The following AFF1 variants were observed in gnomAD, a reference collection of about 807,000 sequenced individuals.
The protein encoded by AFF1 is AF4/FMR2 family member 1.
In AFF1, 48 loss-of-function variants were observed where a neutral mutation model predicts 121.7. The ratio of observed to expected loss-of-function variants is 0.39; its 90% CI spans 0.31 to 0.50. The LOEUF is 0.50. Among genes scored for constraint, AFF1 ranks in the 20% least tolerant of loss-of-function variants. AFF1 has a pLI of 0.76. For synonymous variants in AFF1, 613 were observed against 563.0 expected (o/e 1.09, Z -1.26); for missense variants, 1,523 against 1,511.7 (o/e 1.01, Z -0.12).
chr4:87,076,596 C>T (rs114625846), intron 4 of AFF1, among the ~76,000 whole-genome samples: 2,959 of 152,276 alleles, frequency 0.019, 51 homozygotes, highest in Middle Eastern at 0.041. Context: ...GTTCAGAGCA[C>T]CTTATTCCTT....
intron 2 of AFF1, among the ~76,000 whole-genome samples, chr4:86,953,615 T>C (rs535292612): frequency 1.3e-5 from 2 of 152,366 alleles, no homozygotes; most frequent in East Asian, 3.9e-4. Context: ...TTCTTCACCT[T>C]CCTTCCGTCC....
intron 2 of AFF1, chr4:87,006,955 C>A: frequency 9.7e-7 from 1 of 1,032,910 alleles, no homozygotes; most frequent in African/African-American, 1.7e-5. Context: ...GGGGGTATCC[C>A]GGCGGACTCG....
chr4:86,981,188 G>A (rs149068315), intron 2 of AFF1, among the ~76,000 whole-genome samples: 5,884 of 151,706 alleles, frequency 0.039, 193 homozygotes, highest in African/African-American at 0.092. Flanking sequence ...AATTTTTTGT[G>A]TTTTTAGTAG....
chr4:86,942,509 GT>G (rs2149442914), intron 1 of AFF1, among the ~76,000 whole-genome samples: 1 of 152,290 alleles, frequency 6.6e-6, no homozygotes, highest in East Asian at 1.9e-4. Flanking sequence ...AGCCATTCCT[GT>G]TTGTTCTTGT....
intron 8 of AFF1, among the ~76,000 whole-genome samples, chr4:87,104,387 T>A (rs1182116543): frequency 6.6e-6 from 1 of 152,196 alleles, no homozygotes; most frequent in East Asian, 1.9e-4. Context: ...TGAGACCCTG[T>A]CTCAAAAAGA....
intron 14 of AFF1, among the ~76,000 whole-genome samples, 161 bp downstream of exon 14, chr4:87,126,497 A>G (rs1728263976): frequency 6.6e-6 from 1 of 152,236 alleles, no homozygotes; most frequent in Admixed American, 6.5e-5. Flanking sequence ...GGGAGAGTAA[A>G]AGGTATTAAT....
intron 2 of AFF1, among the ~76,000 whole-genome samples, chr4:86,992,831 C>T (rs573042661): frequency 2.0e-5 from 3 of 152,084 alleles, no homozygotes; most frequent in Non-Finnish European, 4.4e-5. Flanking sequence ...AATCCTTGAT[C>T]GTGAAAATAT....
At chr4:87,018,510 G>C (rs975943882) in intron 2 of AFF1, among the ~76,000 whole-genome samples, 1 of 152,224 alleles carries the variant, frequency 6.6e-6, no homozygotes, top group Non-Finnish European at 1.5e-5. Context: ...AGTGGTGATG[G>C]TGGTGAGAAG....
chr4:87,055,162 G>C (rs1259054017), intron 4 of AFF1, among the ~76,000 whole-genome samples: 12 of 152,168 alleles, frequency 7.9e-5, no homozygotes, highest in Admixed American at 3.9e-4. Flanking sequence ...ATTTTTTGTA[G>C]AGACAAGGTC....
rs1004446367 is a variant in AFF1, at chr4:87,071,452, C to T, written c.1060-12668C>T. On this transcript the variant is annotated intron_variant, in intron 4 of 20. Coordinates refer to ENST00000395146, the MANE Select transcript of AFF1 (RefSeq NM_001166693.3). The stretch of plus-strand genomic sequence containing the variant: ...CTGTGGCTGTAGAAATAACACTGCT[C>T]ATTTTTATGGAGGATATTGCTGTAT... Among the ~76,000 whole-genome samples the T allele has an allele frequency of 5.9e-5, 9 of 152,106 alleles. No individual in the cohort carries two copies. In the South Asian group the frequency reaches 1.7e-3, roughly 28 times the overall value.
At chr4:87,100,098 C>T (rs1234378822) in intron 8 of AFF1, among the ~76,000 whole-genome samples, 1 of 152,118 alleles carries the variant, frequency 6.6e-6, no homozygotes, top group African/African-American at 2.4e-5. Flanking sequence ...TGTCATTTTA[C>T]ATCATAACTG....
intron 2 of AFF1, among the ~76,000 whole-genome samples, chr4:86,950,994 G>C (rs1721262358): frequency 6.6e-6 from 1 of 152,170 alleles, no homozygotes; most frequent in Non-Finnish European, 1.5e-5. Context: ...ATCAGAACTT[G>C]TAAGCTGGTG....
intron 1 of AFF1, among the ~76,000 whole-genome samples, chr4:86,944,329 A>G (rs1359162155): frequency 6.6e-6 from 1 of 151,572 alleles, no homozygotes; most frequent in Non-Finnish European, 1.5e-5. Context: ...CCCCTGTATT[A>G]CTGATGAGAA....
At chr4:87,118,047 A>G (rs1727299512) in intron 12 of AFF1, among the ~76,000 whole-genome samples, 2 of 152,234 alleles carry the variant, frequency 1.3e-5, no homozygotes, top group South Asian at 2.1e-4. Flanking sequence ...TGAACATTAG[A>G]AAAAACTCTG....
chr4:87,092,962 C>T (rs1369290460), intron 7 of AFF1, among the ~76,000 whole-genome samples: 1 of 152,140 alleles, frequency 6.6e-6, no homozygotes, highest in Non-Finnish European at 1.5e-5. Flanking sequence ...ACTCTGCCCC[C>T]ACCTTCGGTC....
At position 86,948,544 on chromosome 4, in the gene AFF1, C is replaced by T. The variant is rs1247501118; in HGVS notation, c.11C>T (p.Thr4Ile). 2 of 1,536,878 alleles carry T rather than the reference C, an allele frequency of 1.3e-6. No homozygotes were observed. Among genetic ancestry groups the T allele is most frequent in the African/African-American group, 1.4e-5 (1 of 73,140 alleles). Residue 4 changes from threonine to isoleucine, a missense_variant, in exon 2 of 21, where the codon ACA (threonine) becomes ATA (isoleucine). Physicochemically the swap from Thr to Ile is moderately conservative, Grantham distance 89. Around this residue, in one of 5 missense-constraint regions of AFF1, gnomAD observed 369 missense variants for 367.2 expected, o/e 1.00. Coordinates refer to ENST00000395146, the MANE Select transcript of AFF1 (RefSeq NM_001166693.3). ...CATTGACTGGAAACAATGGCATTTACAGAAAGAGTCAACAGCAGTGGCAAC... is the reference window on the plus strand; with the variant it reads ...CATTGACTGGAAACAATGGCATTTATAGAAAGAGTCAACAGCAGTGGCAAC... MAF[T>I]ERVNSSGNSL...
intron 11 of AFF1, among the ~76,000 whole-genome samples, chr4:87,113,772 A>G (rs761167090): frequency 2.0e-5 from 3 of 152,178 alleles, no homozygotes; most frequent in Non-Finnish European, 2.9e-5. Context: ...AGACTGAGGC[A>G]GGAGGATCAC....
intron 2 of AFF1, among the ~76,000 whole-genome samples, chr4:87,024,587 CCTTTAGGATCCTG>C (rs1728341651): frequency 6.7e-6 from 1 of 148,634 alleles, no homozygotes; most frequent in Admixed American, 6.7e-5. Context: ...CCTTCATCCT[CCTTTAGGATCCTG>C]CTTTTTTTTG....
At chr4:86,994,373 T>C (rs937804166) in intron 2 of AFF1, among the ~76,000 whole-genome samples, 4 of 152,152 alleles carry the variant, frequency 2.6e-5, no homozygotes, top group African/African-American at 9.7e-5. Context: ...TTTTTTGAAA[T>C]GTTGGAAATT....
Sources: allele counts gnomAD v4.1 joint callset (sites outside exome capture counted in the v4.1 genomes callset), GRCh38; gene constraint gnomAD v4.1.1; regional missense constraint gnomAD v4.1.1; transcripts MANE v1.5; gene names NCBI Gene and HGNC (gene_info 2026-07-23, HGNC 2026-07-21).